Variants in MED22 observed in about 807,000 individuals in gnomAD.
The protein encoded by MED22 is mediator of RNA polymerase II transcription subunit 22.
MED22 carries 22 observed loss-of-function variants against 22.7 expected under a neutral mutation model. That is an observed-to-expected ratio of 0.97 (90% CI 0.69 to 1.38). The LOEUF (loss-of-function observed/expected upper bound fraction) is 1.38, where lower values mean the gene tolerates loss of function less well. MED22 is among the 40% of genes most tolerant of loss of function. The probability of loss-of-function intolerance (pLI) is 0.00; values close to 1 mark genes in which losing one functional copy is unlikely to be tolerated. For synonymous variants in MED22, 134 were observed against 119.4 expected (o/e 1.12, Z -0.80); for missense variants, 247 against 263.0 (o/e 0.94, Z 0.42).
Position 133,339,486 on chromosome 9 carries a change from G to C in MED22, c.*2019C>G, listed in dbSNP as rs1034292100. ...CATCGTGGGTGTTAAAAAAATAAAA[G>C]ACCTCTGGACTAGAAAGAAAAAAAA... is the stretch of plus-strand genomic sequence containing the variant. On this transcript the variant is annotated 3_prime_UTR_variant, in exon 5 of 5. Transcript: ENST00000343730. 1 of 671,166 alleles carries C rather than the reference G, an allele frequency of 1.5e-6. No homozygotes were observed. The highest frequency in any genetic ancestry group is 2.7e-6 in the Non-Finnish European group (1 of 369,340). The allele number at this position is 671,166 out of a possible 1,614,324, so 41.6% of individuals were successfully genotyped here. A position where few individuals can be genotyped will look rare whatever the true frequency, so the allele number is the denominator to read the frequency against.
chr9:133,343,813 G>A, intron 4 of MED22: 1 of 1,400,448 alleles, frequency 7.1e-7, no homozygotes, highest in Non-Finnish European at 9.3e-7. Context: ...GCCCGAGGAG[G>A]AAGGCTCTCG....
rs1038268662 is a variant in MED22 at position 133,340,508 on chromosome 9, C to A, written c.*997G>T. On this transcript the variant is annotated 3_prime_UTR_variant, in exon 5 of 5. Coordinates refer to ENST00000343730, the MANE Select transcript of MED22 (RefSeq NM_133640.5). Reference sequence around the variant, plus strand: ...CACTTCCTGCCCAGTGTTGTGACTTCTGCATTTCTAAGGTGAGCCTGGCAC... The same window carrying A: ...CACTTCCTGCCCAGTGTTGTGACTTATGCATTTCTAAGGTGAGCCTGGCAC... The A allele has an allele frequency of 6.6e-6, 1 of 152,224 alleles. No homozygotes were observed. The highest frequency in any genetic ancestry group is 1.9e-4 in the East Asian group (1 of 5,200). 9.4% of individuals were successfully genotyped at this position (152,224 alleles called of 1,614,324 possible).
At chr9:133,342,976 G>A (rs1836057072) in intron 4 of MED22, 2 of 985,868 alleles carry the variant, frequency 2.0e-6, no homozygotes, top group Non-Finnish European at 2.4e-6. Flanking sequence ...AACAGCTGTG[G>A]AAGGAGATGC....
chr9:133,345,967 C>A (rs1390073166), intron 2 of MED22, among the ~76,000 whole-genome samples: 1 of 152,224 alleles, frequency 6.6e-6, no homozygotes, highest in Non-Finnish European at 1.5e-5. Context: ...CAGTGCCCAC[C>A]TCACAGAGTC....
At chr9:133,341,861 G>A in intron 4 of MED22, 167 bp from the exon 5 acceptor site, 2 of 1,390,672 alleles carry the variant, frequency 1.4e-6, no homozygotes, top group Non-Finnish European at 1.8e-6. Context: ...TGGCAGGCCT[G>A]GCAAGGAGAG....
chr9:133,346,532 AC>A lies in MED22; in HGVS notation c.123+7del, dbSNP rs2129968608. 1 of 1,594,884 alleles carries A rather than the reference AC, an allele frequency of 6.3e-7. No homozygotes were observed. The highest frequency in any genetic ancestry group is 2.3e-5 in the East Asian group (1 of 44,368). On this transcript the variant is annotated splice_region_variant and intron_variant, in intron 2 of 4. Transcript: ENST00000343730. ...TCTGCTCCCCTTGGTGGGCCACCCC[AC>A]CCCCACCTTGGCGGTCTTGATGATC...
At position 133,344,175 on chromosome 9, in the gene MED22, G is replaced by A. The variant is rs146119308; in HGVS notation, c.363C>T (p.Asp121=). Reference sequence around the variant, plus strand: ...GCTCGTAGAGGTCAATGGAGATCTCGTCTCGCAGCGTGATGAGCTTCCGGT... The same window carrying A: ...GCTCGTAGAGGTCAATGGAGATCTCATCTCGCAGCGTGATGAGCTTCCGGT... ...ECDRKLITLR[D]EISIDLYELE... is the part of the protein sequence containing the mutation. The change falls in exon 4 of 5, where the codon GAC becomes GAT. Residue 121 remains aspartate (D), a synonymous_variant. Transcript: ENST00000343730. 1.5e-4 allele frequency: 241 copies of A among 1,614,038 alleles called. 1 individual carries two copies. Among genetic ancestry groups the A allele is most frequent in the Non-Finnish European group, 1.7e-4 (202 of 1,180,042 alleles).
At position 133,339,796 on chromosome 9, in the gene MED22, T is replaced by C. The variant is rs1313862032; in HGVS notation, c.*1709A>G. 5.8e-6 allele frequency: 1 copy of C among 173,136 alleles called. No homozygotes were observed. Among genetic ancestry groups the C allele is most frequent in the African/African-American group, 2.4e-5 (1 of 41,668 alleles). The allele number at this position is 173,136 out of a possible 1,614,324, so 10.7% of individuals were successfully genotyped here. ...GCTAGAGTCATGGAGACAAAACCTG[T>C]CTGACGTAGGCCCAAGAGAGAACTG... On this transcript the variant is annotated 3_prime_UTR_variant, in exon 5 of 5. Coordinates refer to ENST00000343730, the MANE Select transcript of MED22 (RefSeq NM_133640.5).
At position 133,343,213 on chromosome 9, in the gene MED22, A is replaced by G. The variant is rs2129956094; in HGVS notation, c.413+912T>C. 1.6e-5 allele frequency: 18 copies of G among 1,139,946 alleles called. 1 individual carries two copies. The highest frequency in any genetic ancestry group is 8.0e-5 in the African/African-American group (5 of 62,342). The allele number at this position is 1,139,946 out of a possible 1,614,324, so 70.6% of individuals were successfully genotyped here. A position where few individuals can be genotyped will look rare whatever the true frequency, so the allele number is the denominator to read the frequency against. On this transcript the variant is annotated intron_variant, in intron 4 of 4. Transcript: ENST00000343730. ...ATATCTGTGGCTCCCAGCATGGCCA[A>G]TGGGCAGAAAGGAGTATTTTAAATC...
rs1835960379 is a variant in MED22 at position 133,339,464 on chromosome 9, C to T, written c.*2041G>A. The T allele has an allele frequency of 4.2e-6, 3 of 722,832 alleles. No individual in the cohort carries two copies. Among genetic ancestry groups the T allele is most frequent in the Non-Finnish European group, 7.6e-6 (3 of 394,224 alleles). 44.8% of individuals were successfully genotyped at this position (722,832 alleles called of 1,614,324 possible). ...CCTCTTCCCTATGAATTCATGGCAT[C>T]GTGGGTGTTAAAAAAATAAAAGACC... On this transcript the variant is annotated 3_prime_UTR_variant, in exon 5 of 5. Coordinates refer to ENST00000343730, the MANE Select transcript of MED22 (RefSeq NM_133640.5).
At chr9:133,346,285 A>T in intron 2 of MED22, 1 of 492,890 alleles carries the variant, frequency 2.0e-6, no homozygotes, top group South Asian at 2.2e-5. Context: ...ACACAGATAA[A>T]CTCACCAGTC....
rs1835951435 is a variant in MED22 at position 133,339,013 on chromosome 9, G to A, written c.*2492C>T. 1 of 837,216 alleles carries A rather than the reference G, an allele frequency of 1.2e-6. No individual in the cohort carries two copies. The highest frequency in any genetic ancestry group is 2.8e-5 in the East Asian group (1 of 35,280). 51.9% of individuals were successfully genotyped at this position (837,216 alleles called of 1,614,324 possible). On this transcript the variant is annotated 3_prime_UTR_variant, in exon 5 of 5. Transcript: ENST00000343730. Reference sequence around the variant, plus strand: ...AAATGACGAACACAAAGGGAAAGAGGAGAGGCACCCAATATATGTTCTCTA... The same window carrying A: ...AAATGACGAACACAAAGGGAAAGAGAAGAGGCACCCAATATATGTTCTCTA...
rs1836106418 is a variant in MED22 at position 133,344,166 on chromosome 9, G to A, written c.372C>T (p.Ser124=). 6.2e-7 allele frequency: 1 copy of A among 1,614,200 alleles called. No homozygotes were observed. The highest frequency in any genetic ancestry group is 8.5e-7 in the Non-Finnish European group (1 of 1,180,034). The stretch of plus-strand genomic sequence containing the variant: ...CCTCCTCCAGCTCGTAGAGGTCAAT[G>A]GAGATCTCGTCTCGCAGCGTGATGA... ...RKLITLRDEI[S]IDLYELEEEY... The change falls in exon 4 of 5, where the codon TCC becomes TCT. Residue 124 remains serine, a synonymous_variant. Transcript: ENST00000343730.
rs2129959823 is a variant in MED22 at position 133,344,153 on chromosome 9, C to G, written c.385G>C (p.Glu129Gln). ...LRDEISIDLY[E>Q]LEEEYYSSSS... is the part of the protein sequence containing the mutation. ...GACGAGTAATACTCCTCCTCCAGCT[C>G]GTAGAGGTCAATGGAGATCTCGTCT... is the stretch of plus-strand genomic sequence containing the variant. Residue 129 changes from glutamate to glutamine, a missense_variant, in exon 4 of 5, where the codon GAG becomes CAG. Coordinates refer to ENST00000343730, the MANE Select transcript of MED22 (RefSeq NM_133640.5). 5 of 1,614,048 alleles carry G rather than the reference C, an allele frequency of 3.1e-6. No individual in the cohort carries two copies. The highest frequency in any genetic ancestry group is 4.2e-6 in the Non-Finnish European group (5 of 1,180,042).
rs1418828633 is a variant in MED22, at chr9:133,339,076, G to A, written c.*2429C>T. 6 of 686,402 alleles carry A rather than the reference G, an allele frequency of 8.7e-6. No individual in the cohort carries two copies. Among genetic ancestry groups the A allele is most frequent in the African/African-American group, 3.5e-5 (2 of 56,792 alleles). 42.5% of individuals were successfully genotyped at this position (686,402 alleles called of 1,614,324 possible). On this transcript the variant is annotated 3_prime_UTR_variant, in exon 5 of 5. Coordinates refer to ENST00000343730, the MANE Select transcript of MED22 (RefSeq NM_133640.5). ...AACATGCAGTTGTTCCTTTGGCCAAGTATATGCAAATTGATGAGAAAGGTG... is the reference window on the plus strand; with the variant it reads ...AACATGCAGTTGTTCCTTTGGCCAAATATATGCAAATTGATGAGAAAGGTG...
chr9:133,342,972 T>C, intron 4 of MED22: 4 of 985,884 alleles, frequency 4.1e-6, no homozygotes, highest in Non-Finnish European at 4.8e-6. Flanking sequence ...ACTGAACAGC[T>C]GTGGAAGGAG....
chr9:133,343,957 T>C (rs1024522346), intron 4 of MED22, 168 bp downstream of exon 4: 2 of 1,453,264 alleles, frequency 1.4e-6, no homozygotes, highest in African/African-American at 1.4e-5. Context: ...TGGATGTGAA[T>C]TGTCTGTCGG....
chr9:133,342,422 T>C, intron 4 of MED22: 12 of 985,804 alleles, frequency 1.2e-5, no homozygotes, highest in Non-Finnish European at 1.4e-5. Context: ...CTGCCCTCAG[T>C]GTTCAGTCTC....
chr9:133,342,372 T>C, intron 4 of MED22: 2 of 986,042 alleles, frequency 2.0e-6, no homozygotes, highest in Non-Finnish European at 2.4e-6. Flanking sequence ...GGCCCTGGCT[T>C]TCCCGCGGCC....
Sources: allele counts gnomAD v4.1 joint callset (sites outside exome capture counted in the v4.1 genomes callset), GRCh38; gene constraint gnomAD v4.1.1; transcripts MANE v1.5; gene names NCBI Gene and HGNC (gene_info 2026-07-23, HGNC 2026-07-21).